The following MYT1L variants were observed in gnomAD, a reference collection of about 807,000 sequenced individuals.
The protein encoded by MYT1L is myelin transcription factor 1-like protein.
MYT1L carries 12 observed loss-of-function variants against 126.7 expected under a neutral mutation model. That is an observed-to-expected ratio of 0.09 (90% CI 0.06 to 0.15). The LOEUF (loss-of-function observed/expected upper bound fraction) is 0.15, where lower values mean the gene tolerates loss of function less well. Ranked by LOEUF, MYT1L falls within the 10% of genes least tolerant of loss-of-function variation. The pLI is 1.00. For synonymous variants in MYT1L, 541 were observed against 604.2 expected (o/e 0.90, Z 1.53); for missense variants, 979 against 1,585.2 (o/e 0.62, Z 6.49).
intron 3 of MYT1L, among the ~76,000 whole-genome samples, chr2:2,122,630 T>C (rs2081184747): frequency 6.6e-6 from 1 of 152,232 alleles, no homozygotes; most frequent in South Asian, 2.1e-4. Flanking sequence ...CAGCCATTAC[T>C]TGGACATTGT....
At chr2:1,914,418 T>A (rs563234956) in intron 11 of MYT1L, among the ~76,000 whole-genome samples, 4 of 152,134 alleles carry the variant, frequency 2.6e-5, no homozygotes, top group African/African-American at 4.8e-5. Context: ...TTACCATACA[T>A]TCATGGCCAA....
intron 8 of MYT1L, among the ~76,000 whole-genome samples, chr2:1,952,875 C>CT (rs1233335400): frequency 1.4e-5 from 1 of 73,574 alleles, no homozygotes; most frequent in East Asian, 5.0e-4. Context: ...TTTCCCTTCC[C>CT]TCCTTCCTTC....
intron 3 of MYT1L, among the ~76,000 whole-genome samples, chr2:2,165,052 A>T (rs1473611304): frequency 1.3e-5 from 2 of 152,148 alleles, no homozygotes; most frequent in East Asian, 3.9e-4. Flanking sequence ...GCTTTCCTGG[A>T]TGAGTCTCTG....
At position 1,801,890 on chromosome 2, in the gene MYT1L, C is replaced by T. The variant is rs543385968; in HGVS notation, c.3173-91G>A. On this transcript the variant is annotated intron_variant, in intron 22 of 24. Transcript: ENST00000647738. The surrounding 1 kb of genome is among the most constrained non-coding windows in gnomAD (Gnocchi z 4.2). ...GAGCTTTCTTTGTTCCTTTTATATT[C>T]GTAATTGAATTTGCTTGGAAAATAG... The T allele has an allele frequency of 3.9e-5, 29 of 736,400 alleles. No homozygotes were observed. Among genetic ancestry groups the T allele is most frequent in the Admixed American group, 2.6e-4 (9 of 34,100 alleles). The allele number at this position is 736,400 out of a possible 1,614,324, so 45.6% of individuals were successfully genotyped here. A position where few individuals can be genotyped will look rare whatever the true frequency, so the allele number is the denominator to read the frequency against.
intron 10 of MYT1L, among the ~76,000 whole-genome samples, chr2:1,919,102 T>C (rs1054260477): frequency 6.6e-6 from 1 of 152,196 alleles, no homozygotes; most frequent in Non-Finnish European, 1.5e-5. Flanking sequence ...GACCCTATTT[T>C]ACCACGACAC....
chr2:1,826,898 G>A (rs1334318952), intron 21 of MYT1L: 1 of 152,312 alleles, frequency 6.6e-6, no homozygotes, highest in South Asian at 2.1e-4. Context: ...TTCCTCATGA[G>A]AGCAGGTGGT....
chr2:2,246,783 G>C (rs1441043799), intron 2 of MYT1L, among the ~76,000 whole-genome samples: 3 of 152,160 alleles, frequency 2.0e-5, no homozygotes, highest in African/African-American at 7.2e-5. Context: ...TAATTTTATT[G>C]ATCACTTATT....
At chr2:2,122,876 A>T (rs1005479124) in intron 3 of MYT1L, among the ~76,000 whole-genome samples, 126 of 128,740 alleles carry the variant, frequency 9.8e-4, no homozygotes, top group African/African-American at 3.6e-3. Context: ...TGTGTGTGAG[A>T]GAGAGAGAGA....
At chr2:2,136,878 A>T (rs2148099324) in intron 3 of MYT1L, among the ~76,000 whole-genome samples, 1 of 152,338 alleles carries the variant, frequency 6.6e-6, no homozygotes, top group East Asian at 1.9e-4. Context: ...GTATTCAATC[A>T]GGAAAAGAGG....
At chr2:2,117,272 AT>A (rs1006874100) in intron 3 of MYT1L, among the ~76,000 whole-genome samples, 1 of 152,236 alleles carries the variant, frequency 6.6e-6, no homozygotes, top group African/African-American at 2.4e-5. Context: ...TCAAAATAAG[AT>A]TTTTGTTGAA....
intron 9 of MYT1L, among the ~76,000 whole-genome samples, chr2:1,938,078 T>C (rs2056215918): frequency 6.6e-6 from 1 of 152,214 alleles, no homozygotes; most frequent in Admixed American, 6.5e-5. Context: ...ATCTATGTGC[T>C]AAAGGCAGCT....
At position 1,979,088 on chromosome 2, in the gene MYT1L, C is replaced by A; in HGVS notation, c.152+77G>T. The stretch of plus-strand genomic sequence containing the variant: ...TGCTTTCCAAGAACACCTGCTCACA[C>A]AGTTCATCATCAGGACTGGGTCCCC... On this transcript the variant is annotated intron_variant, in intron 8 of 24. Coordinates refer to ENST00000647738, the MANE Select transcript of MYT1L (RefSeq NM_001303052.2). This position sits in a 1 kb window ranked among gnomAD's most constrained non-coding sequence, Gnocchi z 4.0. 8.6e-7 allele frequency: 1 copy of A among 1,166,198 alleles called. No homozygotes were observed. Among genetic ancestry groups the A allele is most frequent in the South Asian group, 1.3e-5 (1 of 75,814 alleles). The allele number at this position is 1,166,198 out of a possible 1,614,324, so 72.2% of individuals were successfully genotyped here.
intron 5 of MYT1L, among the ~76,000 whole-genome samples, chr2:1,995,288 G>A (rs1402235061): frequency 1.3e-5 from 2 of 152,164 alleles, no homozygotes; most frequent in African/African-American, 2.4e-5. Flanking sequence ...GGCTCCACAC[G>A]TGTGAGGGGA....
At chr2:2,102,924 A>G (rs1254791437) in intron 3 of MYT1L, among the ~76,000 whole-genome samples, 1 of 152,102 alleles carries the variant, frequency 6.6e-6, no homozygotes, top group African/African-American at 2.4e-5. Context: ...ATATTAATAT[A>G]TAATGTCATA....
chr2:2,143,934 G>A (rs2084446888), intron 3 of MYT1L, among the ~76,000 whole-genome samples: 1 of 151,124 alleles, frequency 6.6e-6, no homozygotes, highest in Non-Finnish European at 1.5e-5. Flanking sequence ...GCATAAAGAT[G>A]GGAGCAATAG....
intron 3 of MYT1L, among the ~76,000 whole-genome samples, chr2:2,148,872 C>A (rs1183684274): frequency 6.6e-6 from 1 of 152,052 alleles, no homozygotes; most frequent in Non-Finnish European, 1.5e-5. Context: ...TCTTATGTGG[C>A]ATATAGGTTG....
rs1363958444 is a variant in MYT1L, at chr2:1,956,211, A to C, written c.153-12877T>G. Among the ~76,000 whole-genome samples the C allele has an allele frequency of 1.5e-4, 22 of 142,066 alleles. 2 individuals are homozygous for C. The highest frequency in any genetic ancestry group is 6.7e-4 in the African/African-American group (22 of 32,942). 93.2% of individuals were successfully genotyped at this position (142,066 alleles called of 152,430 possible). ...TAGCTGTCTATCTATCTATCTATCTATCTATCTATCTATCTGTCTATCATC... is the reference window on the plus strand; with the variant it reads ...TAGCTGTCTATCTATCTATCTATCTCTCTATCTATCTATCTGTCTATCATC... On this transcript the variant is annotated intron_variant, in intron 8 of 24. Coordinates refer to ENST00000647738, the MANE Select transcript of MYT1L (RefSeq NM_001303052.2).
intron 3 of MYT1L, among the ~76,000 whole-genome samples, chr2:2,093,064 C>G (rs535086780): frequency 6.6e-6 from 1 of 152,256 alleles, no homozygotes; most frequent in Non-Finnish European, 1.5e-5. Flanking sequence ...TCTGTAAATA[C>G]AGAGGATGAA....
intron 3 of MYT1L, among the ~76,000 whole-genome samples, chr2:2,169,212 C>A (rs1230295541): frequency 1.3e-5 from 2 of 152,194 alleles, no homozygotes; most frequent in South Asian, 2.1e-4. Flanking sequence ...CTGCTGGACA[C>A]TGAACTACTT....
Sources: gnomAD v4.1 joint callset for allele counts (sites outside exome capture counted in the v4.1 genomes callset) on GRCh38, gnomAD v4.1.1 for gene constraint, Gnocchi (gnomAD v3.1) non-coding constraint, MANE v1.5 for transcripts, NCBI Gene and HGNC (gene_info 2026-07-23, HGNC 2026-07-21) for gene names.